PGD: variants seen among roughly 807,000 people sequenced by gnomAD.
PGD encodes phosphogluconate dehydrogenase.
In PGD, 21 loss-of-function variants were observed where a neutral mutation model predicts 60.4. The ratio of observed to expected loss-of-function variants is 0.35; its 90% confidence interval spans 0.25 to 0.50. PGD has a LOEUF of 0.50. Ranked by LOEUF, PGD falls within the 20% of genes least tolerant of loss-of-function variation. The pLI is 0.98. For synonymous variants in PGD, 230 were observed against 235.9 expected, an observed-to-expected ratio of 0.97 and a Z score of 0.23; for missense variants, 477 against 613.1, an observed-to-expected ratio of 0.78 and a Z score of 2.34.
At position 10,405,779 on chromosome 1, in the gene PGD, T is replaced by C. The variant is rs149402512; in HGVS notation, c.449+1500T>C. On this transcript the variant is annotated intron_variant, in intron 5 of 12. Coordinates refer to ENST00000270776, the MANE Select transcript of PGD (RefSeq NM_002631.4). Reference sequence around the variant, plus strand: ...TGAACCTGGGAGGCAGAGGTTGCAATGAGCCGAGATCTCACCACTGCACTC... The same window carrying C: ...TGAACCTGGGAGGCAGAGGTTGCAACGAGCCGAGATCTCACCACTGCACTC... 7.1e-3 allele frequency among the ~76,000 whole-genome samples: 1,072 copies of C among 151,050 alleles called. 8 individuals are homozygous for C. The highest frequency in any genetic ancestry group is 0.017 in the Middle Eastern group (5 of 294).
In PGD at chr1:10,420,367, T is replaced by G. The variant is rs557068864; in HGVS notation, c.*618T>G. On this transcript the variant is annotated 3_prime_UTR_variant, in exon 13 of 13. Transcript: ENST00000270776. ...GGGCAATGGGTACATGGACGTTCAC[T>G]GTAACGTGCTTTTTCTTTCGTCTTT... Among the ~76,000 whole-genome samples, 56 of 147,900 alleles carry G rather than the reference T, an allele frequency of 3.8e-4. No homozygotes were observed. Among genetic ancestry groups the G allele is most frequent in the Non-Finnish European group, 6.5e-4 (44 of 67,258 alleles).
intron 2 of PGD, chr1:10,400,108 T>A (rs1332060741): frequency 1.3e-5 from 6 of 472,908 alleles, no homozygotes; most frequent in Non-Finnish European, 2.3e-5. Flanking sequence ...TAGAGCCTGT[T>A]GAACCGGCCA....
intron 1 of PGD, among the ~76,000 whole-genome samples, 170 bp downstream of exon 1, chr1:10,399,295 CT>C (rs554803838): frequency 2.0e-4 from 31 of 152,356 alleles, no homozygotes; most frequent in African/African-American, 7.5e-4. Context: ...AGCTCCTTCC[CT>C]GCGGGCCCGG....
chr1:10,400,389 C>G lies in PGD; in HGVS notation c.85-4C>G, dbSNP rs779783413. ...TCTCCTACTCAGGACTTTTGTCCTT[C>G]TAGGTCTGTGCTTTTAATAGGACTG... On this transcript the variant is annotated splice_region_variant and splice_polypyrimidine_tract_variant and intron_variant, in intron 2 of 12. Coordinates refer to ENST00000270776, the MANE Select transcript of PGD (RefSeq NM_002631.4). 4.7e-5 allele frequency: 75 copies of G among 1,610,082 alleles called. No homozygotes were observed. Among genetic ancestry groups the G allele is most frequent in the Non-Finnish European group, 6.2e-5 (73 of 1,177,182 alleles).
chr1:10,403,758 C>G (rs1041542821), intron 4 of PGD, among the ~76,000 whole-genome samples: 7 of 152,176 alleles, frequency 4.6e-5, no homozygotes, highest in African/African-American at 1.7e-4. Flanking sequence ...TTTAGAACCA[C>G]TCCTCTAATG....
intron 8 of PGD, chr1:10,415,301 G>A (rs1639576864): frequency 6.6e-6 from 1 of 152,194 alleles, no homozygotes. Flanking sequence ...AAGGAAGTTG[G>A]CTGCTTTTAG....
At chr1:10,415,297 G>A (rs1429225022) in intron 8 of PGD, 1 of 152,244 alleles carries the variant, frequency 6.6e-6, no homozygotes, top group Non-Finnish European at 1.5e-5. Flanking sequence ...ATAGAAGGAA[G>A]TTGGCTGCTT....
chr1:10,406,584 C>G (rs1486736084), intron 5 of PGD, among the ~76,000 whole-genome samples: 1 of 152,094 alleles, frequency 6.6e-6, no homozygotes, highest in Non-Finnish European at 1.5e-5. Context: ...TGTAAAAGTT[C>G]AGTGAAGCTC....
Position 10,402,635 on chromosome 1 carries a change from G to C in PGD, c.265-436G>C, listed in dbSNP as rs138898117. On this transcript the variant is annotated intron_variant, in intron 3 of 12. Transcript: ENST00000270776. ...CCTCCCGGGTTCACGCCATTCTCCT[G>C]CCTCAGCCTCCCGAGTAGCTGGGAC... Among the ~76,000 whole-genome samples the C allele has an allele frequency of 3.8e-3, 573 of 151,750 alleles. 4 individuals are homozygous for C. The highest frequency in any genetic ancestry group is 2.9e-3 in the Non-Finnish European group (197 of 67,918).
At chr1:10,417,290 C>T in intron 9 of PGD, 86 bp from the exon 10 acceptor site, 1 of 1,474,062 alleles carries the variant, frequency 6.8e-7, no homozygotes. Context: ...TCTGGGATCT[C>T]CACTGCTGAT....
In PGD at chr1:10,419,744, G is replaced by A; in HGVS notation, c.1447G>A (p.Ala483Thr). The A allele has an allele frequency of 6.2e-7, 1 of 1,614,174 alleles. No homozygotes were observed. ...CACCGTGTCATCCTCGTCATACAAT[G>A]CCTGATCATGCTGCTCCTGTCACCC... ...GGTVSSSSYN[A>T] The change falls in exon 13 of 13, where the codon GCC (alanine) becomes ACC (threonine). Residue 483 changes from alanine to threonine, a missense_variant. Physicochemically the swap from Ala to Thr is moderately conservative, Grantham distance 58. Coordinates refer to ENST00000270776, the MANE Select transcript of PGD (RefSeq NM_002631.4).
In PGD at chr1:10,400,448, C is replaced by G; in HGVS notation, c.140C>G (p.Ala47Gly). ...SKVDDFLANE[A>G]KGTKVVGAQS... Reference sequence around the variant, plus strand: ...GTTGATGATTTCTTGGCCAATGAGGCAAAGGGAACCAAAGTGGTGGGTGCC... The same window carrying G: ...GTTGATGATTTCTTGGCCAATGAGGGAAAGGGAACCAAAGTGGTGGGTGCC... The change falls in exon 3 of 13, where the codon GCA (alanine) becomes GGA (glycine). Residue 47 changes from alanine to glycine, a missense_variant. This residue lies in a region of PGD where 431 missense variants were observed against 556.6 expected (regional missense o/e 0.77). Transcript: ENST00000270776. 1.9e-6 allele frequency: 3 copies of G among 1,613,806 alleles called. No individual in the cohort carries two copies. The highest frequency in any genetic ancestry group is 2.5e-6 in the Non-Finnish European group (3 of 1,179,814).
chr1:10,418,826 T>C lies in PGD; in HGVS notation c.1110T>C (p.Ser370=), dbSNP rs1333903371. Reference sequence around the variant, plus strand: ...TTTTTTCCCCCCTTGATTATTTCAGTGTATTCCTAGGAAAGATAAAGGATG... The same window carrying C: ...TTTTTTCCCCCCTTGATTATTTCAGCGTATTCCTAGGAAAGATAAAGGATG... The part of the protein sequence containing the change: ...LMWRGGCIIR[S]VFLGKIKDAF... Residue 370 remains serine (S), a splice_region_variant and synonymous_variant, in exon 11 of 13, where the codon AGT becomes AGC. Coordinates refer to ENST00000270776, the MANE Select transcript of PGD (RefSeq NM_002631.4). The C allele has an allele frequency of 1.3e-6, 2 of 1,509,506 alleles. No homozygotes were observed. The highest frequency in any genetic ancestry group is 1.1e-5 in the South Asian group (1 of 87,634). 93.5% of individuals were successfully genotyped at this position (1,509,506 alleles called of 1,614,324 possible).
At chr1:10,399,536 C>T in intron 1 of PGD, 93 bp from the exon 2 acceptor site, 6 of 1,140,712 alleles carry the variant, frequency 5.3e-6, no homozygotes, top group Admixed American at 5.2e-5. Context: ...TGCAGACTCC[C>T]AGTCACGGCC....
intron 5 of PGD, among the ~76,000 whole-genome samples, chr1:10,406,950 AAG>A (rs1639418009): frequency 6.6e-6 from 1 of 152,248 alleles, no homozygotes; most frequent in South Asian, 2.1e-4. Context: ...AAAAAATTAA[AAG>A]AGGATCTCTA....
chr1:10,406,722 G>A (rs1639411571), intron 5 of PGD, among the ~76,000 whole-genome samples: 1 of 152,200 alleles, frequency 6.6e-6, no homozygotes. Flanking sequence ...GAGCAGAACA[G>A]TGAGGGAAAG....
intron 8 of PGD, among the ~76,000 whole-genome samples, chr1:10,416,396 T>C (rs1459109349): frequency 1.3e-5 from 2 of 152,278 alleles, no homozygotes; most frequent in Non-Finnish European, 2.9e-5. Flanking sequence ...TGTTTAGAGC[T>C]TCTTATAAAA....
chr1:10,404,014 C>T (rs2102387270), intron 4 of PGD, 147 bp from the exon 5 acceptor site: 1 of 637,462 alleles, frequency 1.6e-6, no homozygotes, highest in Admixed American at 2.7e-5. Context: ...TTCCTAGATC[C>T]TTGGGTCATT....
chr1:10,411,312 G>T, intron 6 of PGD, 106 bp from the exon 7 acceptor site: 6 of 1,232,858 alleles, frequency 4.9e-6, no homozygotes, highest in Middle Eastern at 2.8e-4. Context: ...TATTTTTTGT[G>T]TGGAGAGGTA....
Sources: allele counts gnomAD v4.1 joint callset (sites outside exome capture counted in the v4.1 genomes callset), GRCh38; gene constraint gnomAD v4.1.1; regional missense constraint gnomAD v4.1.1; transcripts MANE v1.5; gene names NCBI Gene and HGNC (gene_info 2026-07-23, HGNC 2026-07-21).